TP53I13: variants seen among roughly 807,000 people sequenced by gnomAD.
TP53I13 encodes the protein tumor protein p53 inducible protein 13.
TP53I13 carries 27 observed loss-of-function variants against 39.1 expected under a neutral mutation model. The ratio of observed to expected loss-of-function variants is 0.69; its 90% CI spans 0.51 to 0.95. The LOEUF (loss-of-function observed/expected upper bound fraction) is 0.95, where lower values mean the gene tolerates loss of function less well. Among genes scored for constraint, TP53I13 ranks in the 40% least tolerant of loss-of-function variants. The pLI, the probability that TP53I13 is intolerant of heterozygous loss-of-function variation, is 0.00. For missense variants in TP53I13, 544 were observed against 520.4 expected, an observed-to-expected ratio of 1.05 and a Z score of -0.44; for synonymous variants, 230 against 224.6, an observed-to-expected ratio of 1.02 and a Z score of -0.22.
chr17:29,576,492 C>G (rs571322718), downstream of TP53I13: 125 of 1,613,230 alleles, frequency 7.7e-5, 2 homozygotes, highest in South Asian at 1.2e-3. Flanking sequence ...AGTCCTGGGG[C>G]TCCCCCTCCC....
At chr17:29,572,753 G>A in intron 6 of TP53I13, 56 bp downstream of exon 6, 1 of 778,598 alleles carries the variant, frequency 1.3e-6, no homozygotes, top group Non-Finnish European at 1.8e-6. Context: ...CGCGTCGCCC[G>A]CCGCCCCCCG....
chr17:29,575,734 C>T (rs73986959), downstream of TP53I13: 2,752 of 1,611,516 alleles, frequency 1.7e-3, 43 homozygotes, highest in African/African-American at 0.033. The surrounding 1 kb of genome is among the most constrained non-coding windows in gnomAD (Gnocchi z 5.5). Context: ...GCTGTGAGCG[C>T]CGTGTTCCTG....
chr17:29,571,806 CTT>C (rs2032938763), intron 4 of TP53I13, 49 bp from the exon 5 acceptor site: 6 of 1,612,996 alleles, frequency 3.7e-6, no homozygotes, highest in South Asian at 1.1e-5. Flanking sequence ...AGGGTTTCCT[CTT>C]GTTTGTCCCC....
the TP53I13 span, chr17:29,580,905 C>T: frequency 3.5e-5 from 7 of 199,882 alleles, no homozygotes; most frequent in South Asian, 2.6e-4. Context: ...CTCAGCCTCC[C>T]GAGTAGCTGA....
In TP53I13 at chr17:29,573,043, C is replaced by T; in HGVS notation, c.*119C>T. 1 of 802,952 alleles carries T rather than the reference C, an allele frequency of 1.2e-6. No homozygotes were observed. Among genetic ancestry groups the T allele is most frequent in the South Asian group, 2.9e-5 (1 of 34,818 alleles). The allele number at this position is 802,952 out of a possible 1,614,324, so 49.7% of individuals were successfully genotyped here. On this transcript the variant is annotated 3_prime_UTR_variant, in exon 7 of 7. Transcript: ENST00000301057. ...TGGCGATGGCGCGGCACTGGCCGAG[C>T]ACTGCGGGGGCTTTCCTCCTTGTTG... is the stretch of plus-strand genomic sequence containing the variant.
intron 4 of TP53I13, 41 bp from the exon 5 acceptor site, chr17:29,571,816 C>G: frequency 6.2e-7 from 1 of 1,612,688 alleles, no homozygotes; most frequent in Non-Finnish European, 8.5e-7. Context: ...CTTGTTTGTC[C>G]CCACCTTCCT....
chr17:29,575,733 G>A (rs373310684), downstream of TP53I13: 23 of 1,610,796 alleles, frequency 1.4e-5, no homozygotes, highest in African/African-American at 2.0e-4. This position sits in a 1 kb window ranked among gnomAD's most constrained non-coding sequence, Gnocchi z 5.5. Context: ...GGCTGTGAGC[G>A]CCGTGTTCCT....
At chr17:29,574,731 T>C (rs2033123196), downstream of TP53I13, 1 of 1,613,476 alleles carries the variant, frequency 6.2e-7, no homozygotes, top group Non-Finnish European at 8.5e-7. Context: ...GTGGTGATGG[T>C]GACCAGCTGC....
upstream of TP53I13, chr17:29,568,133 G>C (rs1356555717): frequency 5.3e-5 from 8 of 152,166 alleles, no homozygotes; most frequent in Non-Finnish European, 1.0e-4. The surrounding 1 kb of genome is among the most constrained non-coding windows in gnomAD (Gnocchi z 4.5). Flanking sequence ...TTGGGGAGCG[G>C]AGACACCTCC....
At chr17:29,569,272 C>T (rs1041010017) in intron 2 of TP53I13, 46 bp from the exon 3 acceptor site, 6 of 1,601,192 alleles carry the variant, frequency 3.7e-6, no homozygotes, top group Admixed American at 1.7e-5. Context: ...CACACACACA[C>T]GGAGTCCCCC....
chr17:29,571,542 T>C (rs775404505), intron 3 of TP53I13, 49 bp from the exon 4 acceptor site: 2 of 1,605,476 alleles, frequency 1.2e-6, no homozygotes, highest in African/African-American at 2.7e-5. Context: ...CTTGAGATTC[T>C]CTGGGAGGGC....
intron 3 of TP53I13, chr17:29,570,776 G>T (rs888824238): frequency 6.6e-6 from 1 of 152,022 alleles, no homozygotes; most frequent in African/African-American, 2.4e-5. Context: ...TGCCAGCCTC[G>T]CCCTTACCAC....
At chr17:29,571,023 AT>A (rs1461016299) in intron 3 of TP53I13, 1 of 152,726 alleles carries the variant, frequency 6.5e-6, no homozygotes, top group East Asian at 1.9e-4. Context: ...TTTTATTTGC[AT>A]TAGTTGTTTC....
chr17:29,572,470 GTGTC>G lies in TP53I13; in HGVS notation c.846_849del (p.Cys283GlnfsTer34). ...AACGGGCAAGGCAGCCCAGGGGGCT[GTGTC>G]TGTTCAAGTCAGGCTTCCCCGGCCC... On this transcript the variant is annotated frameshift_variant, in exon 6 of 7. Transcript: ENST00000301057. LOFTEE classifies it high-confidence loss of function. 1 of 1,591,522 alleles carries G rather than the reference GTGTC, an allele frequency of 6.3e-7. No homozygotes were observed. Among genetic ancestry groups the G allele is most frequent in the Non-Finnish European group, 8.6e-7 (1 of 1,167,828 alleles).
chr17:29,582,034 G>C, the TP53I13 span: 3 of 1,611,800 alleles, frequency 1.9e-6, no homozygotes, highest in Non-Finnish European at 2.5e-6. Flanking sequence ...TGGCAGCCAC[G>C]TGCAGAGGTG....
upstream of TP53I13, chr17:29,568,677 G>GCGGGGGCA: frequency 2.1e-6 from 2 of 937,198 alleles, no homozygotes; most frequent in Non-Finnish European, 2.5e-6. The surrounding 1 kb of genome is among the most constrained non-coding windows in gnomAD (Gnocchi z 4.5). Context: ...GCGCGGGGGC[G>GCGGGGGCA]CTGGGGCTGG....
chr17:29,576,840 G>A, downstream of TP53I13: 1 of 1,577,638 alleles, frequency 6.3e-7, no homozygotes, highest in Non-Finnish European at 8.6e-7. Context: ...ACAGGGGAGT[G>A]GGAAGGAGGG....
upstream of TP53I13, chr17:29,566,691 C>A (rs769193193): frequency 6.3e-7 from 1 of 1,587,812 alleles, no homozygotes; most frequent in East Asian, 2.3e-5. Flanking sequence ...CGGCCTCCAG[C>A]GCCTCTGAGC....
downstream of TP53I13, chr17:29,575,496 G>A (rs186466606): frequency 2.9e-4 from 458 of 1,590,838 alleles, 1 homozygote; most frequent in African/African-American, 3.7e-3. The surrounding 1 kb of genome is among the most constrained non-coding windows in gnomAD (Gnocchi z 5.5). Flanking sequence ...AGAAAACAGA[G>A]ACAAAGATAC....
Sources: gnomAD v4.1 joint callset for allele counts on GRCh38, gnomAD v4.1.1 for gene constraint, Gnocchi (gnomAD v3.1) non-coding constraint, MANE v1.5 for transcripts, NCBI Gene and HGNC (gene_info 2026-07-23, HGNC 2026-07-21) for gene names.